Variants in RASAL1 observed in about 807,000 individuals in gnomAD.
The protein encoded by RASAL1 is rasGAP-activating-like protein 1.
In RASAL1, 72 loss-of-function variants were observed where a neutral mutation model predicts 96.6. The ratio of observed to expected loss-of-function variants is 0.75; its 90% CI spans 0.62 to 0.91. RASAL1 has a LOEUF of 0.91. RASAL1 is among the 40% of genes least tolerant of loss of function. The pLI is 0.00. For missense variants in RASAL1, 1,016 were observed against 1,072.5 expected, an observed-to-expected ratio of 0.95 and a Z score of 0.74; for synonymous variants, 405 against 430.4, an observed-to-expected ratio of 0.94 and a Z score of 0.73.
intron 13 of RASAL1, 29 bp from the exon 14 acceptor site, chr12:113,108,251 G>A (rs1421428301): frequency 6.3e-7 from 1 of 1,597,238 alleles, no homozygotes; most frequent in South Asian, 1.1e-5. Context: ...GGTAAGAGGA[G>A]CCCCCCAAAC....
In RASAL1 at chr12:113,131,857, C is replaced by T. The variant is rs138040733; in HGVS notation, c.66-916G>A. 2.1e-3 allele frequency among the ~76,000 whole-genome samples: 318 copies of T among 152,252 alleles called. 2 individuals carry two copies. The highest frequency in any genetic ancestry group is 3.7e-3 in the Admixed American group (57 of 15,294). The stretch of plus-strand genomic sequence containing the variant: ...TACTGCCATGGCTGGCTCCTTCCTG[C>T]CATTCAAGTCTCAGTCCAAAGTCAC... On this transcript the variant is annotated intron_variant, in intron 1 of 20. Transcript: ENST00000548055.
Position 113,099,920 on chromosome 12 carries a change from G to C in RASAL1, c.*9C>G. On this transcript the variant is annotated 3_prime_UTR_variant, in exon 21 of 21. Transcript: ENST00000548055. ...TTGCTCCTCCTTCCGGGCTAGCTCT[G>C]GCATTTCCTTAGGGGCCAAGGGGGC... 1 of 1,607,968 alleles carries C rather than the reference G, an allele frequency of 6.2e-7. No individual in the cohort carries two copies. Among genetic ancestry groups the C allele is most frequent in the Non-Finnish European group, 8.5e-7 (1 of 1,176,576 alleles).
rs746932050 is a variant in RASAL1, at chr12:113,121,594, C to G, written c.343G>C (p.Glu115Gln). ...GACAGGCAGATCTCACCCTGCACTTCTGCATCTGGGTCCACTCGGCTCAAG... is the reference window on the plus strand; with the variant it reads ...GACAGGCAGATCTCACCCTGCACTTGTGCATCTGGGTCCACTCGGCTCAAG... ...INLSRVDPDA[E>Q]VQGEICLSVQ... The change falls in exon 5 of 21, where the codon GAA (glutamate) becomes CAA (glutamine). Residue 115 changes from glutamate to glutamine, a missense_variant. By Grantham distance (29) the Glu-to-Gln change is conservative (BLOSUM62 2). Transcript: ENST00000548055. 2 of 1,614,250 alleles carry G rather than the reference C, an allele frequency of 1.2e-6. No individual in the cohort carries two copies. The highest frequency in any genetic ancestry group is 1.6e-4 in the Middle Eastern group (1 of 6,062).
chr12:113,111,112 C>A (rs377520341), intron 13 of RASAL1, among the ~76,000 whole-genome samples: 148 of 152,216 alleles, frequency 9.7e-4, no homozygotes, highest in African/African-American at 3.0e-3. Flanking sequence ...TTTGTTCTTG[C>A]GCCTCGTCTG....
chr12:113,103,049 G>A, intron 18 of RASAL1: 2 of 324,014 alleles, frequency 6.2e-6, no homozygotes, highest in South Asian at 2.5e-5. Flanking sequence ...CCTGAGGCTG[G>A]GTCAGAGGCA....
At chr12:113,117,710 A>G (rs1951139813) in intron 7 of RASAL1, among the ~76,000 whole-genome samples, 1 of 152,212 alleles carries the variant, frequency 6.6e-6, no homozygotes. Flanking sequence ...GCCTGCACTC[A>G]TTACCAGTCA....
Position 113,113,654 on chromosome 12 carries a change from T to C in RASAL1, c.1181+1146A>G, listed in dbSNP as rs7953387. 3.5e-3 allele frequency among the ~76,000 whole-genome samples: 526 copies of C among 152,332 alleles called. 2 individuals carry two copies. The highest frequency in any genetic ancestry group is 0.012 in the African/African-American group (508 of 41,570). On this transcript the variant is annotated intron_variant, in intron 12 of 20. Coordinates refer to ENST00000548055, the MANE Select transcript of RASAL1 (RefSeq NM_001301202.2). The stretch of plus-strand genomic sequence containing the variant: ...CATCATCAGTAAGAGGGGGTCATGA[T>C]GCCTGCCTCTAAAGTAGTCAGAAGG...
intron 12 of RASAL1, among the ~76,000 whole-genome samples, chr12:113,112,608 T>C (rs368899701): frequency 6.6e-6 from 1 of 152,108 alleles, no homozygotes; most frequent in Non-Finnish European, 1.5e-5. Flanking sequence ...CTCTGGAATA[T>C]TGCAGGCCTC....
At chr12:113,134,709 G>GCATA (rs1448655998) in intron 1 of RASAL1, among the ~76,000 whole-genome samples, 1 of 152,206 alleles carries the variant, frequency 6.6e-6, no homozygotes, top group East Asian at 1.9e-4. Flanking sequence ...CCTGGGGGAA[G>GCATA]CATAGCTTGG....
rs199647152 is a variant in RASAL1 at position 113,122,699 on chromosome 12, AT to A, written c.299-1062del. Among the ~76,000 whole-genome samples, 61 of 152,300 alleles carry A rather than the reference AT, an allele frequency of 4.0e-4. 1 individual carries two copies. Among genetic ancestry groups the A allele is most frequent in the African/African-American group, 1.3e-3 (53 of 41,556 alleles). On this transcript the variant is annotated intron_variant, in intron 4 of 20. Transcript: ENST00000548055. The stretch of plus-strand genomic sequence containing the variant: ...TTCATCACAATGTGTCTAGATACAG[AT>A]TTTTTAAAATCCTGCTGAGTAGAGA...
intron 2 of RASAL1, 67 bp from the exon 3 acceptor site, chr12:113,128,245 GACACACACACACACACAC>G: frequency 1.8e-6 from 1 of 565,848 alleles, no homozygotes; most frequent in Non-Finnish European, 3.2e-6. Context: ...TGGAGACCCA[GACACACACACACACACAC>G]ACACACACAC....
Position 113,129,722 on chromosome 12 carries a change from GCACACA to G in RASAL1, c.122+1157_122+1162del, listed in dbSNP as rs143449206. On this transcript the variant is annotated intron_variant, in intron 2 of 20. Coordinates refer to ENST00000548055, the MANE Select transcript of RASAL1 (RefSeq NM_001301202.2). The surrounding 1 kb of genome is among the most constrained non-coding windows in gnomAD (Gnocchi z 5.0). Reference sequence around the variant, plus strand: ...AGAGTGCACATATGCGCGCGTGCGCGCACACACACACACACACCCCGCCTTCTTCCT... The same window carrying G: ...AGAGTGCACATATGCGCGCGTGCGCGCACACACACACCCCGCCTTCTTCCT... 2.4e-4 allele frequency among the ~76,000 whole-genome samples: 36 copies of G among 151,108 alleles called. No homozygotes were observed. The highest frequency in any genetic ancestry group is 4.3e-4 in the Non-Finnish European group (29 of 67,650).
In RASAL1 at chr12:113,128,178, C is replaced by G. The variant is rs1318299484; in HGVS notation, c.123G>C (p.Arg41Ser). Residue 41 changes from arginine (R) to serine (S), a missense_variant and splice_region_variant, in exon 3 of 21, where the codon AGG becomes AGC. Arg to Ser is a moderately radical substitution (Grantham distance 110). Transcript: ENST00000548055. ...LVKVDDEVVA[R>S]TATVWRSLGP... The stretch of plus-strand genomic sequence containing the variant: ...CCAGGCTCCTCCAGACAGTAGCTGT[C>G]CTGCAAAAGGAGGTGCAGGGGGCTG... 6.2e-7 allele frequency: 1 copy of G among 1,611,762 alleles called. No homozygotes were observed. Among genetic ancestry groups the G allele is most frequent in the Admixed American group, 1.7e-5 (1 of 59,954 alleles).
At position 113,119,380 on chromosome 12, in the gene RASAL1, G is replaced by GCTGC; in HGVS notation, c.488_491dup (p.Ser164ArgfsTer20). The GCTGC allele has an allele frequency of 1.2e-6, 2 of 1,612,540 alleles. No homozygotes were observed. The highest frequency in any genetic ancestry group is 1.7e-6 in the Non-Finnish European group (2 of 1,179,252). On this transcript the variant is annotated frameshift_variant, in exon 6 of 21. Transcript: ENST00000548055. LOFTEE classifies it high-confidence loss of function. ...CACTCACTGAGGTCTCCAAGCTCTGGCTGCCCCAAAACACACGTGCAAATG... is the reference window on the plus strand; with the variant it reads ...CACTCACTGAGGTCTCCAAGCTCTGGCTGCCTGCCCCAAAACACACGTGCAAATG...
chr12:113,112,177 C>CCCACGATGGCGT lies in RASAL1; in HGVS notation c.1271_1282dup (p.Asp424_Val427dup). On this transcript the variant is annotated inframe_insertion, in exon 13 of 21. Coordinates refer to ENST00000548055, the MANE Select transcript of RASAL1 (RefSeq NM_001301202.2). Reference sequence around the variant, plus strand: ...GGCGGGCGGGCAGCGCCCCACGGAGCCCACGATGGCGTCCACGATGGGCCC... The same window carrying CCCACGATGGCGT: ...GGCGGGCGGGCAGCGCCCCACGGAGCCCACGATGGCGTCCACGATGGCGTCCACGATGGGCCC... 8.0e-7 allele frequency: 1 copy of CCCACGATGGCGT among 1,257,188 alleles called. No individual in the cohort carries two copies. 77.9% of individuals were successfully genotyped at this position (1,257,188 alleles called of 1,614,324 possible).
intron 12 of RASAL1, among the ~76,000 whole-genome samples, chr12:113,112,754 C>G (rs1452890340): frequency 1.3e-5 from 2 of 152,142 alleles, no homozygotes; most frequent in East Asian, 3.9e-4. Context: ...AGTTCAAGAC[C>G]AGCCTGGCCA....
At chr12:113,132,017 G>C (rs1400091907) in intron 1 of RASAL1, among the ~76,000 whole-genome samples, 3 of 147,266 alleles carry the variant, frequency 2.0e-5, no homozygotes, top group African/African-American at 7.6e-5. Flanking sequence ...TATCACCCAG[G>C]CTGGAGTGCA....
rs1375158842 is a variant in RASAL1, at chr12:113,104,023, G to C, written c.2027C>G (p.Pro676Arg). Reference sequence around the variant, plus strand: ...GGGGTGGCAGGCGGCCAGCTTGTTCGGGTTGGGGGCGCTGGCCTTGCGCAA... The same window carrying C: ...GGGGTGGCAGGCGGCCAGCTTGTTCCGGTTGGGGGCGCTGGCCTTGCGCAA... ...SALRKASAPN[P>R]NKLAACHPGA... The change falls in exon 18 of 21, where the codon CCG becomes CGG. Residue 676 changes from proline to arginine, a missense_variant. By Grantham distance (103) the Pro-to-Arg change is moderately radical. Coordinates refer to ENST00000548055, the MANE Select transcript of RASAL1 (RefSeq NM_001301202.2). The C allele has an allele frequency of 5.1e-6, 8 of 1,576,254 alleles. No homozygotes were observed. The highest frequency in any genetic ancestry group is 6.9e-6 in the Non-Finnish European group (8 of 1,159,486).
chr12:113,104,046 C>A lies in RASAL1; in HGVS notation c.2004G>T (p.Leu668Phe). Residue 668 changes from leucine (L) to phenylalanine (F), a missense_variant, in exon 18 of 21, where the codon TTG becomes TTT. By Grantham distance (22) the Leu-to-Phe change is conservative. Transcript: ENST00000548055. The stretch of plus-strand genomic sequence containing the variant: ...TCGGGTTGGGGGCGCTGGCCTTGCG[C>A]AAGGCCGAGAGCCACTGGTTGAGCT... ...VNELNQWLSA[L>F]RKASAPNPNK... is the part of the protein sequence containing the mutation. The A allele has an allele frequency of 6.4e-7, 1 of 1,553,704 alleles. No homozygotes were observed. The highest frequency in any genetic ancestry group is 1.2e-5 in the South Asian group (1 of 84,400).
Sources: gnomAD v4.1 joint callset for allele counts (sites outside exome capture counted in the v4.1 genomes callset) on GRCh38, gnomAD v4.1.1 for gene constraint, Gnocchi (gnomAD v3.1) non-coding constraint, MANE v1.5 for transcripts, NCBI Gene and HGNC (gene_info 2026-07-23, HGNC 2026-07-21) for gene names.